DMD: variants seen among roughly 807,000 people sequenced by gnomAD.
The protein encoded by DMD is mutant dystrophin.
In DMD, 63 loss-of-function variants were observed where a neutral mutation model predicts 330.1. The observed-to-expected ratio is 0.19, with a 90% confidence interval of 0.16 to 0.24. The LOEUF is 0.24. DMD is among the 10% of genes least tolerant of loss of function. The pLI is 1.00. For synonymous variants in DMD, 1,223 were observed against 959.8 expected (o/e 1.27, Z -5.07); for missense variants, 3,344 against 2,684.1 (o/e 1.25, Z -5.43).
intron 47 of DMD, among the ~76,000 whole-genome samples, chrX:31,877,667 T>TTGTGTGTGTGTGTG (rs10670657): frequency 9.8e-6 from 1 of 102,337 alleles, no homozygotes; most frequent in African/African-American, 3.6e-5. Context: ...TGCTGAACTC[T>TTGTGTGTGTGTGTG]TGTGTGTGTG....
intron 7 of DMD, among the ~76,000 whole-genome samples, chrX:32,727,055 G>T (rs905642241): frequency 1.8e-5 from 2 of 110,829 alleles, no homozygotes; most frequent in Admixed American, 1.9e-4. Context: ...AAATCAATGT[G>T]TGAATGTTAC....
intron 45 of DMD, among the ~76,000 whole-genome samples, chrX:31,947,687 A>C (rs1417731132): frequency 8.9e-6 from 1 of 111,793 alleles, no homozygotes; most frequent in Non-Finnish European, 1.9e-5. Flanking sequence ...TGATGGGTTT[A>C]TCAGGACACA....
intron 60 of DMD, among the ~76,000 whole-genome samples, chrX:31,379,420 A>C (rs56737996): frequency 0.095 from 10,575 of 111,074 alleles, 1,272 homozygotes; most frequent in African/African-American, 0.33. Context: ...ATAAAAAAAC[A>C]AGCCCAGTTC....
At chrX:31,148,940 C>T (rs1344499610) in intron 74 of DMD, among the ~76,000 whole-genome samples, 1 of 112,012 alleles carries the variant, frequency 8.9e-6, no homozygotes, top group African/African-American at 3.2e-5. Context: ...ATATGATCTT[C>T]TACCCTTATC....
chrX:31,788,195 G>A (rs1464476606), intron 50 of DMD, among the ~76,000 whole-genome samples: 1 of 111,551 alleles, frequency 9.0e-6, no homozygotes, highest in Non-Finnish European at 1.9e-5. Flanking sequence ...AAGAGTGTAT[G>A]GAAAAGCTGT....
chrX:31,151,197 T>C (rs991989419), intron 74 of DMD, among the ~76,000 whole-genome samples: 2 of 112,559 alleles, frequency 1.8e-5, no homozygotes, highest in African/African-American at 6.4e-5. Flanking sequence ...ATCAGTTCAA[T>C]GTTTCTGTGA....
intron 43 of DMD, among the ~76,000 whole-genome samples, chrX:32,276,027 G>T (rs949169965): frequency 5.4e-5 from 6 of 112,088 alleles, no homozygotes; most frequent in Non-Finnish European, 7.5e-5. Flanking sequence ...CCCAGCACTG[G>T]ACGTGCAGTG....
chrX:31,550,060 A>G (rs2074385432), intron 55 of DMD, among the ~76,000 whole-genome samples: 1 of 111,663 alleles, frequency 9.0e-6, no homozygotes, highest in African/African-American at 3.3e-5. Flanking sequence ...TCATCTAAGC[A>G]ATAACTCAAG....
intron 1 of DMD, among the ~76,000 whole-genome samples, chrX:33,036,155 G>A (rs770209611): frequency 2.8e-5 from 3 of 108,223 alleles, no homozygotes; most frequent in African/African-American, 1.1e-4. Flanking sequence ...AGAGACAGAT[G>A]CATTATTTAC....
chrX:32,644,455 G>A (rs2059658649), intron 10 of DMD, 142 bp from the exon 11 acceptor site: 5 of 676,516 alleles, frequency 7.4e-6, no homozygotes, highest in Non-Finnish European at 1.1e-5. Context: ...TGTATTTGCA[G>A]AATCCCAAAA....
intron 11 of DMD, among the ~76,000 whole-genome samples, chrX:32,618,354 C>T (rs1418554715): frequency 8.9e-6 from 1 of 111,798 alleles, no homozygotes; most frequent in Non-Finnish European, 1.9e-5. Context: ...AGATTATGTT[C>T]TTTGCAGAAA....
intron 55 of DMD, among the ~76,000 whole-genome samples, chrX:31,513,306 T>C (rs1287216829): frequency 1.9e-5 from 2 of 103,622 alleles, no homozygotes; most frequent in Non-Finnish European, 3.9e-5. Context: ...CTTCCTCTTT[T>C]CCTAATTGAA....
chrX:31,286,054 C>T (rs868226999), intron 62 of DMD, among the ~76,000 whole-genome samples: 12 of 111,971 alleles, frequency 1.1e-4, no homozygotes, highest in South Asian at 3.8e-4. Flanking sequence ...CTTCTCAGAT[C>T]GGCATCTTTA....
At chrX:31,138,566 A>C (rs2035550712) in intron 76 of DMD, among the ~76,000 whole-genome samples, 1 of 106,652 alleles carries the variant, frequency 9.4e-6, no homozygotes. Flanking sequence ...TCATGATTAT[A>C]AGTTTAGAAT....
intron 44 of DMD, among the ~76,000 whole-genome samples, chrX:32,063,129 T>G (rs772128735): frequency 1.8e-5 from 2 of 109,933 alleles, no homozygotes; most frequent in African/African-American, 6.6e-5. Flanking sequence ...ATATAACACA[T>G]GTTATACTTT....
chrX:31,833,293 G>GA (rs1569464426), intron 49 of DMD, among the ~76,000 whole-genome samples: 9 of 13,968 alleles, frequency 6.4e-4, no homozygotes, highest in Non-Finnish European at 1.0e-3. Flanking sequence ...AGAGAGAGAG[G>GA]GAGAGAGGGA....
intron 1 of DMD, among the ~76,000 whole-genome samples, chrX:33,223,623 T>G (rs1206909858): frequency 8.9e-6 from 1 of 112,141 alleles, no homozygotes; most frequent in Non-Finnish European, 1.9e-5. Context: ...AATGCAAAAC[T>G]ATAAAGCCCA....
chrX:32,199,830 T>TGTGTGTA (rs2097025736), intron 44 of DMD, among the ~76,000 whole-genome samples: 1 of 66,219 alleles, frequency 1.5e-5, no homozygotes, highest in African/African-American at 5.9e-5. Flanking sequence ...GTGTGTGTAT[T>TGTGTGTA]TTTAGTAGAG....
intron 44 of DMD, among the ~76,000 whole-genome samples, chrX:32,203,595 G>A (rs2097050668): frequency 8.9e-6 from 1 of 111,980 alleles, no homozygotes; most frequent in African/African-American, 3.2e-5. Flanking sequence ...ATCTTCAAAG[G>A]GCTTCTGCCC....
Sources: allele counts gnomAD v4.1 joint callset (sites outside exome capture counted in the v4.1 genomes callset), GRCh38; gene constraint gnomAD v4.1.1; transcripts MANE v1.5; gene names NCBI Gene and HGNC (gene_info 2026-07-23, HGNC 2026-07-21).